NOP16: variants seen among roughly 807,000 people sequenced by gnomAD.
NOP16 encodes the protein nucleolar protein 16.
NOP16 carries 14 observed loss-of-function variants against 22.7 expected under a neutral mutation model. That is an observed-to-expected ratio of 0.62 (90% CI 0.41 to 0.97). The LOEUF (loss-of-function observed/expected upper bound fraction) is 0.97. Among genes scored for constraint, NOP16 ranks in the 50% least tolerant of loss-of-function variants. The pLI, the probability that NOP16 is intolerant of heterozygous loss-of-function variation, is 0.00. For missense variants in NOP16, 198 were observed against 235.9 expected (o/e 0.84, Z 1.05); for synonymous variants, 80 against 83.6 (o/e 0.96, Z 0.23).
At position 176,387,064 on chromosome 5, in the gene NOP16, TTC is replaced by T. The variant is rs55641001; in HGVS notation, c.217-157_217-156del. 8.1e-4 allele frequency: 449 copies of T among 552,444 alleles called. 2 individuals carry two copies. Among genetic ancestry groups the T allele is most frequent in the African/African-American group, 7.2e-3 (380 of 53,064 alleles). 34.2% of individuals were successfully genotyped at this position (552,444 alleles called of 1,614,324 possible). Reference sequence around the variant, plus strand: ...TGAGAACTAATGCCCTGGAGGCTTTTTCTCTCTCTCTCTCTTTTTTTTTTTCT... The same window carrying T: ...TGAGAACTAATGCCCTGGAGGCTTTTTCTCTCTCTCTCTTTTTTTTTTTCT... On this transcript the variant is annotated intron_variant, in intron 2 of 4. Coordinates refer to ENST00000614830, the MANE Select transcript of NOP16 (RefSeq NM_016391.8).
chr5:176,385,388 GC>G, intron 3 of NOP16, 61 bp from the exon 4 acceptor site: 1 of 1,039,930 alleles, frequency 9.6e-7, no homozygotes, highest in Non-Finnish European at 1.5e-6. Context: ...TGCTCTTTGA[GC>G]TGTCCAATCA....
intron 3 of NOP16, among the ~76,000 whole-genome samples, chr5:176,385,648 A>G (rs2113584030): frequency 6.6e-6 from 1 of 152,366 alleles, no homozygotes; most frequent in East Asian, 1.9e-4. Context: ...GTCTCAGGAC[A>G]GAGATGAAGG....
chr5:176,386,688 GAC>G, intron 3 of NOP16, 150 bp downstream of exon 3: 1 of 748,682 alleles, frequency 1.3e-6, no homozygotes, highest in Non-Finnish European at 2.4e-6. Context: ...AGCCAGCCAG[GAC>G]ACAGTCCTAA....
intron 3 of NOP16, chr5:176,385,843 A>C (rs189743236): frequency 6.5e-6 from 1 of 153,430 alleles, no homozygotes; most frequent in East Asian, 1.9e-4. Flanking sequence ...AAAAGCCAGG[A>C]TGTGGAGCCA....
intron 2 of NOP16, among the ~76,000 whole-genome samples, chr5:176,387,896 G>C (rs757107387): frequency 7.2e-5 from 11 of 152,198 alleles, no homozygotes; most frequent in South Asian, 2.1e-4. Context: ...CAAAGAAAAG[G>C]TGTAAGTAAA....
intron 4 of NOP16, 176 bp downstream of exon 4, chr5:176,385,045 C>T (rs1755720349): frequency 1.6e-6 from 1 of 620,378 alleles, no homozygotes. Context: ...TCAGTCTATC[C>T]TTGCCATAAG....
At chr5:176,384,427 C>T (rs1755667734) in intron 4 of NOP16, 53 bp from the exon 5 acceptor site, 4 of 1,550,218 alleles carry the variant, frequency 2.6e-6, no homozygotes, top group African/African-American at 1.4e-5. Context: ...AGGCTCAAAT[C>T]TGAACTCATC....
chr5:176,386,306 G>T, intron 3 of NOP16: 1 of 181,394 alleles, frequency 5.5e-6, no homozygotes, highest in South Asian at 1.2e-4. Flanking sequence ...AAGGAATTCT[G>T]TATCAAATGT....
chr5:176,385,287 A>G lies in NOP16; in HGVS notation c.327T>C (p.Asn109=), dbSNP rs1295634994. The G allele has an allele frequency of 2.5e-6, 4 of 1,613,048 alleles. No individual in the cohort carries two copies. In the African/African-American group the frequency reaches 5.3e-5, roughly 22 times the overall value. ...AGTCAATGAGGTCCCGAGACAGAGT[A>G]TTTCCTTTCTTTTCTGGAAGGCTGG... ...AEASLPEKKG[N]TLSRDLIDYV... Residue 109 remains asparagine, a synonymous_variant, in exon 4 of 5, where the codon AAT becomes AAC. Transcript: ENST00000614830.
chr5:176,384,280 C>G lies in NOP16; in HGVS notation c.488G>C (p.Trp163Ser). 1 of 1,614,228 alleles carries G rather than the reference C, an allele frequency of 6.2e-7. No homozygotes were observed. The highest frequency in any genetic ancestry group is 2.2e-5 in the East Asian group (1 of 44,874). The part of the protein sequence containing the change: ...NVYKRFYPAE[W>S]QDFLDSLQKR... Reference sequence around the variant, plus strand: ...CTGCAAAGAATCGAGGAAGTCTTGCCACTCTGCTGGGTAAAAGCGTTTATA... The same window carrying G: ...CTGCAAAGAATCGAGGAAGTCTTGCGACTCTGCTGGGTAAAAGCGTTTATA... The change falls in exon 5 of 5, where the codon TGG (tryptophan) becomes TCG (serine). Residue 163 changes from tryptophan (W) to serine (S), a missense_variant. Trp to Ser is a radical substitution (Grantham distance 177, BLOSUM62 -3). Transcript: ENST00000614830.
rs1269661755 is a variant in NOP16 at position 176,386,841 on chromosome 5, A to G, written c.285T>C (p.Asn95=). 1.2e-6 allele frequency: 2 copies of G among 1,613,628 alleles called. No homozygotes were observed. Among genetic ancestry groups the G allele is most frequent in the African/African-American group, 2.7e-5 (2 of 74,906 alleles). ...KELVRKPYVL[N]DLEAEASLPE... ...AAGGAATATATGGACCACACCCACC[A>G]TTCAGCACATAGGGCTTCCGTACAA... Residue 95 remains asparagine, a splice_region_variant and synonymous_variant, in exon 3 of 5, where the codon AAT becomes AAC. Transcript: ENST00000614830.
Position 176,388,225 on chromosome 5 carries a change from A to T in NOP16, c.216+10T>A. 2 of 1,588,150 alleles carry T rather than the reference A, an allele frequency of 1.3e-6. No homozygotes were observed. Among genetic ancestry groups the T allele is most frequent in the Non-Finnish European group, 1.7e-6 (2 of 1,156,884 alleles). ...AGAAGACAAGGACCGAGACCCTGCC[A>T]TGTCAGTACCTTTCTCTTACGGAGG... On this transcript the variant is annotated intron_variant, in intron 2 of 4. Transcript: ENST00000614830.
At chr5:176,384,507 C>G in intron 4 of NOP16, 133 bp from the exon 5 acceptor site, 1 of 856,094 alleles carries the variant, frequency 1.2e-6, no homozygotes, top group Non-Finnish European at 1.8e-6. Context: ...CTGTGGTGCA[C>G]CGGGCACAGT....
Position 176,383,965 on chromosome 5 carries a change from T to C in NOP16, c.*266A>G. ...GAGAAGTAAAATATATTTGCTTTAT[T>C]ATGTACACACTATATTTACATCACC... On this transcript the variant is annotated 3_prime_UTR_variant, in exon 5 of 5. Transcript: ENST00000614830. 6.6e-7 allele frequency: 1 copy of C among 1,520,022 alleles called. No individual in the cohort carries two copies. The highest frequency in any genetic ancestry group is 1.7e-4 in the Middle Eastern group (1 of 5,870). The allele number at this position is 1,520,022 out of a possible 1,614,324, so 94.2% of individuals were successfully genotyped here.
At chr5:176,384,730 A>C (rs1755697232) in intron 4 of NOP16, 3 of 364,000 alleles carry the variant, frequency 8.2e-6, no homozygotes, top group Non-Finnish European at 1.5e-5. Flanking sequence ...TGATCACACC[A>C]CTGAACTCCA....
At position 176,387,080 on chromosome 5, in the gene NOP16, T is replaced by C. The variant is rs145452468; in HGVS notation, c.217-171A>G. 3,024 of 567,508 alleles carry C rather than the reference T, an allele frequency of 5.3e-3. 21 individuals are homozygous for C. The highest frequency in any genetic ancestry group is 6.3e-3 in the Non-Finnish European group (2,009 of 319,374). 35.2% of individuals were successfully genotyped at this position (567,508 alleles called of 1,614,324 possible). ...GGAGGCTTTTTCTCTCTCTCTCTCTTTTTTTTTTTCTTTTTCTTTTTGAGA... is the reference window on the plus strand; with the variant it reads ...GGAGGCTTTTTCTCTCTCTCTCTCTCTTTTTTTTTCTTTTTCTTTTTGAGA... On this transcript the variant is annotated intron_variant, in intron 2 of 4. Transcript: ENST00000614830.
intron 2 of NOP16, 147 bp from the exon 3 acceptor site, chr5:176,387,056 G>T (rs1474275516): frequency 1.1e-5 from 7 of 642,008 alleles, no homozygotes; most frequent in African/African-American, 9.3e-5. Context: ...TAATGCCCTG[G>T]AGGCTTTTTC....
chr5:176,388,180 G>A, intron 2 of NOP16, 55 bp downstream of exon 2: 1 of 1,344,822 alleles, frequency 7.4e-7, no homozygotes, highest in African/African-American at 1.4e-5. Context: ...ACCTAGGTCA[G>A]TATGGCGGGG....
chr5:176,385,382 CT>C, intron 3 of NOP16, 55 bp from the exon 4 acceptor site: 1 of 1,083,266 alleles, frequency 9.2e-7, no homozygotes, highest in Non-Finnish European at 1.4e-6. Flanking sequence ...TTTCTGTGCT[CT>C]TTGAGCTGTC....
Sources: allele counts gnomAD v4.1 joint callset (sites outside exome capture counted in the v4.1 genomes callset), GRCh38; gene constraint gnomAD v4.1.1; transcripts MANE v1.5; gene names NCBI Gene and HGNC (gene_info 2026-07-23, HGNC 2026-07-21).